Variants in WLS observed in about 807,000 individuals in gnomAD.
WLS encodes the protein protein wntless homolog.
A neutral mutation model predicts 62.8 loss-of-function variants in WLS; 23 were observed. The observed-to-expected ratio is 0.37, with a 90% CI of 0.26 to 0.52. The LOEUF (loss-of-function observed/expected upper bound fraction) is 0.52. Ranked by LOEUF, WLS falls within the 20% of genes least tolerant of loss-of-function variation. The pLI, the probability that WLS is intolerant of heterozygous loss-of-function variation, is 0.92. For synonymous variants in WLS, 246 were observed against 244.1 expected, an observed-to-expected ratio of 1.01 and a Z score of -0.07; for missense variants, 615 against 697.3, an observed-to-expected ratio of 0.88 and a Z score of 1.33.
chr1:68,221,614 GAA>G (rs1649944751), intron 1 of WLS, among the ~76,000 whole-genome samples: 3 of 152,120 alleles, frequency 2.0e-5, no homozygotes, highest in African/African-American at 7.2e-5. Flanking sequence ...CTGAGTAAAA[GAA>G]ATAGAACCTC....
chr1:68,125,978 G>A lies in WLS; in HGVS notation c.*248C>T, dbSNP rs1646423892. 8.1e-7 allele frequency: 1 copy of A among 1,240,710 alleles called. No individual in the cohort carries two copies. Among genetic ancestry groups the A allele is most frequent in the African/African-American group, 1.5e-5 (1 of 64,578 alleles). 76.9% of individuals were successfully genotyped at this position (1,240,710 alleles called of 1,614,324 possible). On this transcript the variant is annotated 3_prime_UTR_variant, in exon 12 of 12. Transcript: ENST00000262348. Reference sequence around the variant, plus strand: ...TGTTACTATGTCACTAATTAACAATGATCACAGAAAATGTGTCATACCAGA... The same window carrying A: ...TGTTACTATGTCACTAATTAACAATAATCACAGAAAATGTGTCATACCAGA...
At chr1:68,147,896 C>T (rs9970306) in intron 8 of WLS, among the ~76,000 whole-genome samples, 50,863 of 152,150 alleles carry the variant, frequency 0.33, 9,374 homozygotes, top group Non-Finnish European at 0.42. Flanking sequence ...CCTAGCAACT[C>T]GGATCCCTCT....
chr1:68,184,324 A>C (rs1336417801), intron 2 of WLS, among the ~76,000 whole-genome samples: 2 of 152,214 alleles, frequency 1.3e-5, no homozygotes, highest in Non-Finnish European at 2.9e-5. Context: ...CATTAGAGTG[A>C]CAACCCATTT....
Position 68,187,189 on chromosome 1 carries a change from CAAAA to C in WLS, c.379+6762_379+6765del, listed in dbSNP as rs34130992. Among the ~76,000 whole-genome samples, 202 of 57,166 alleles carry C rather than the reference CAAAA, an allele frequency of 3.5e-3. 3 individuals carry two copies. The highest frequency in any genetic ancestry group is 9.0e-3 in the Admixed American group (43 of 4,752). 37.5% of individuals were successfully genotyped at this position (57,166 alleles called of 152,430 possible). A position where few individuals can be genotyped will look rare whatever the true frequency, so the allele number is the denominator to read the frequency against. The stretch of plus-strand genomic sequence containing the variant: ...GGGGGACAGAGCAAGACTCCATCTC[CAAAA>C]AAAAAAAAAAAAAAAAAATTAGCAG... On this transcript the variant is annotated intron_variant, in intron 2 of 11. Coordinates refer to ENST00000262348, the MANE Select transcript of WLS (RefSeq NM_024911.7).
intron 2 of WLS, chr1:68,161,764 T>C: frequency 1.3e-6 from 2 of 1,598,840 alleles, no homozygotes; most frequent in Non-Finnish European, 1.7e-6. Context: ...CTATTGCTCG[T>C]TGGAGTGCTC....
intron 1 of WLS, among the ~76,000 whole-genome samples, chr1:68,229,553 G>A (rs4655578): frequency 5.3e-5 from 8 of 151,960 alleles, no homozygotes; most frequent in Non-Finnish European, 1.2e-4. Flanking sequence ...CCTACAAACT[G>A]TTCCTTCAAC....
intron 2 of WLS, among the ~76,000 whole-genome samples, chr1:68,184,135 C>G (rs1022983167): frequency 2.6e-5 from 4 of 152,202 alleles, no homozygotes; most frequent in Admixed American, 6.5e-5. Context: ...ACACAGCTAT[C>G]CATCTTGAGG....
chr1:68,118,859 G>A (rs895528780), intron 11 of WLS, among the ~76,000 whole-genome samples: 24 of 93,422 alleles, frequency 2.6e-4, no homozygotes, highest in African/African-American at 8.4e-4. Context: ...CCTGGGTGAC[G>A]AGCAAGACTC....
intron 11 of WLS, among the ~76,000 whole-genome samples, chr1:68,109,366 A>G (rs1319640486): frequency 6.6e-6 from 1 of 152,262 alleles, no homozygotes; most frequent in Admixed American, 6.5e-5. Context: ...AAATATGATC[A>G]ATGAAATATA....
At chr1:68,198,649 T>C (rs1247420139) in intron 1 of WLS, among the ~76,000 whole-genome samples, 1 of 152,136 alleles carries the variant, frequency 6.6e-6, no homozygotes, top group Non-Finnish European at 1.5e-5. Flanking sequence ...GGAGTAAACC[T>C]GATAGGCACC....
At chr1:68,197,981 G>C (rs1648769872) in intron 1 of WLS, among the ~76,000 whole-genome samples, 1 of 152,136 alleles carries the variant, frequency 6.6e-6, no homozygotes, top group Non-Finnish European at 1.5e-5. Flanking sequence ...TATTCAAGAG[G>C]GGGCTGGATA....
At chr1:68,131,145 T>C (rs1557463014) in intron 11 of WLS, among the ~76,000 whole-genome samples, 1 of 151,440 alleles carries the variant, frequency 6.6e-6, no homozygotes, top group Non-Finnish European at 1.5e-5. Context: ...TCTCCTGACC[T>C]TGTGATCCAC....
chr1:68,098,461 A>T, downstream of WLS: 1 of 1,042,718 alleles, frequency 9.6e-7, no homozygotes, highest in Non-Finnish European at 1.3e-6. Context: ...TATGGATGTA[A>T]GAGAAGTAAG....
At chr1:68,192,479 A>T (rs1648364691) in intron 2 of WLS, among the ~76,000 whole-genome samples, 1 of 151,958 alleles carries the variant, frequency 6.6e-6, no homozygotes, top group Admixed American at 6.6e-5. Flanking sequence ...CAAGAGGCTG[A>T]GGTGGGAAGA....
At chr1:68,203,356 A>T (rs1043557470) in intron 1 of WLS, among the ~76,000 whole-genome samples, 2 of 152,206 alleles carry the variant, frequency 1.3e-5, no homozygotes, top group Non-Finnish European at 2.9e-5. Context: ...TAGCACTCTC[A>T]GATTACCTGA....
intron 2 of WLS, among the ~76,000 whole-genome samples, chr1:68,173,357 C>T (rs980978164): frequency 9.2e-5 from 14 of 152,202 alleles, no homozygotes; most frequent in Non-Finnish European, 8.8e-5. Flanking sequence ...ACTGTCAGTA[C>T]ACAGAGCATT....
At chr1:68,193,594 G>A (rs898688463) in intron 2 of WLS, among the ~76,000 whole-genome samples, 3 of 152,004 alleles carry the variant, frequency 2.0e-5, no homozygotes, top group Admixed American at 6.5e-5. Flanking sequence ...GAACCCTCAA[G>A]TCACTCCATT....
chr1:68,211,568 A>G (rs554690879), intron 1 of WLS, among the ~76,000 whole-genome samples: 1 of 152,316 alleles, frequency 6.6e-6, no homozygotes, highest in South Asian at 2.1e-4. Context: ...AACTACAGAA[A>G]GTTTAAACAA....
chr1:68,160,526 A>C (rs1364254693), intron 2 of WLS, among the ~76,000 whole-genome samples: 3 of 152,204 alleles, frequency 2.0e-5, no homozygotes, highest in African/African-American at 7.2e-5. Flanking sequence ...ACTTGCCTTA[A>C]ACATCTCAAG....
Sources: allele counts gnomAD v4.1 joint callset (sites outside exome capture counted in the v4.1 genomes callset), GRCh38; gene constraint gnomAD v4.1.1; transcripts MANE v1.5; gene names NCBI Gene and HGNC (gene_info 2026-07-23, HGNC 2026-07-21).